PEDS1: variants seen among roughly 807,000 people sequenced by gnomAD.
The protein encoded by PEDS1 is plasmanylethanolamine desaturase 1, also known as CarF homolog.
Under a neutral mutation model 35.2 loss-of-function variants are expected in PEDS1, and 14 were observed. The ratio of observed to expected loss-of-function variants is 0.40; its 90% CI spans 0.26 to 0.62. PEDS1 has a LOEUF of 0.62. Among genes scored for constraint, PEDS1 ranks in the 20% least tolerant of loss-of-function variants. The probability of loss-of-function intolerance (pLI) is 0.44; values close to 1 mark genes in which losing one functional copy is unlikely to be tolerated. For missense variants in PEDS1, 260 were observed against 367.8 expected, an observed-to-expected ratio of 0.71 and a Z score of 2.40; for synonymous variants, 152 against 152.0, an observed-to-expected ratio of 1.00 and a Z score of 0.00.
At chr20:50,153,059 G>C (rs1310673577) in intron 1 of PEDS1, among the ~76,000 whole-genome samples, 1 of 151,968 alleles carries the variant, frequency 6.6e-6, no homozygotes, top group Non-Finnish European at 1.5e-5. Flanking sequence ...GGAGGTACTA[G>C]GATGTAGATT....
intron 1 of PEDS1, among the ~76,000 whole-genome samples, chr20:50,149,694 G>A (rs976284933): frequency 2.6e-5 from 4 of 152,004 alleles, no homozygotes; most frequent in Admixed American, 1.3e-4. Context: ...ACTACTCACA[G>A]CTCCCTACAC....
At chr20:50,135,990 T>C (rs1278491954) in intron 2 of PEDS1, among the ~76,000 whole-genome samples, 1 of 152,228 alleles carries the variant, frequency 6.6e-6, no homozygotes, top group Non-Finnish European at 1.5e-5. Flanking sequence ...TTTGGGCTGT[T>C]TCCAGTCTGG....
chr20:50,134,038 CA>C (rs2081207193), intron 2 of PEDS1, among the ~76,000 whole-genome samples: 1 of 152,208 alleles, frequency 6.6e-6, no homozygotes, highest in Non-Finnish European at 1.5e-5. Flanking sequence ...TGTCTACCAG[CA>C]GGGACAAAAG....
At chr20:50,143,694 T>G in intron 1 of PEDS1, 73 bp from the exon 2 acceptor site, 3 of 1,548,156 alleles carry the variant, frequency 1.9e-6, no homozygotes, top group Non-Finnish European at 2.6e-6. Flanking sequence ...ATGGGAACTT[T>G]TCTTTTCTTT....
At chr20:50,134,258 G>GTGCAGAGC (rs1462339556) in intron 2 of PEDS1, among the ~76,000 whole-genome samples, 12 of 152,264 alleles carry the variant, frequency 7.9e-5, no homozygotes, top group Non-Finnish European at 1.8e-4. Context: ...CTGGAGCACA[G>GTGCAGAGC]TGCAGAGCTG....
At position 50,125,104 on chromosome 20, in the gene PEDS1, T is replaced by C; in HGVS notation, c.767A>G (p.Glu256Gly). The C allele has an allele frequency of 1.9e-6, 3 of 1,614,158 alleles. No homozygotes were observed. The highest frequency in any genetic ancestry group is 2.5e-6 in the Non-Finnish European group (3 of 1,179,982). The stretch of plus-strand genomic sequence containing the variant: ...TTTCATGTCATCTGCCCGAGGCTTC[T>C]CGCCCGTCAGGCCCTGGATGAGGTC... ...LEDLIQGLTG[E>G]KPRADDMKWA... Residue 256 changes from glutamate to glycine, a missense_variant, in exon 6 of 6, where the codon GAG (glutamate) becomes GGG (glycine). Physicochemically the swap from Glu to Gly is moderately conservative, Grantham distance 98. This residue lies in a region of PEDS1 where 83 missense variants were observed against 142.8 expected (regional missense o/e 0.58). Transcript: ENST00000371652.
intron 2 of PEDS1, among the ~76,000 whole-genome samples, chr20:50,134,557 T>C (rs1416750181): frequency 6.6e-6 from 1 of 151,638 alleles, no homozygotes; most frequent in Non-Finnish European, 1.5e-5. Flanking sequence ...CAAAAATAAA[T>C]GAATGAATGA....
intron 1 of PEDS1, among the ~76,000 whole-genome samples, chr20:50,144,720 T>C (rs1384055903): frequency 1.3e-5 from 2 of 152,190 alleles, no homozygotes; most frequent in Non-Finnish European, 2.9e-5. Context: ...GGAAAACACC[T>C]GGGCAGTTGT....
chr20:50,129,488 G>C lies in PEDS1; in HGVS notation c.478+58C>G. On this transcript the variant is annotated intron_variant, in intron 4 of 5. Transcript: ENST00000371652. The surrounding 1 kb of genome is among the most constrained non-coding windows in gnomAD (Gnocchi z 4.2). ...ACACATAAGCCCCAGAAGGCTCCTG[G>C]GGGTCGGCCTCTGCCCCCAAGGCCC... The C allele has an allele frequency of 6.2e-7, 1 of 1,607,860 alleles. No homozygotes were observed. The highest frequency in any genetic ancestry group is 8.5e-7 in the Non-Finnish European group (1 of 1,176,582).
rs187710331 is a variant in PEDS1 at position 50,128,930 on chromosome 20, G to A, written c.478+616C>T. 2.4e-3 allele frequency among the ~76,000 whole-genome samples: 359 copies of A among 152,278 alleles called. No homozygotes were observed. Among genetic ancestry groups the A allele is most frequent in the African/African-American group, 6.3e-3 (262 of 41,544 alleles). On this transcript the variant is annotated intron_variant, in intron 4 of 5. Transcript: ENST00000371652. The surrounding 1 kb of genome is among the most constrained non-coding windows in gnomAD (Gnocchi z 5.2). ...GGGCTGGGTGCACCCCCAGGGAAGG[G>A]GATGGGCAGGGTGCCATAGCACCCA... is the stretch of plus-strand genomic sequence containing the variant.
At position 50,124,865 on chromosome 20, in the gene PEDS1, A is replaced by G; in HGVS notation, c.*193T>C. The G allele has an allele frequency of 1.5e-6, 1 of 650,000 alleles. No individual in the cohort carries two copies. The highest frequency in any genetic ancestry group is 2.4e-6 in the Non-Finnish European group (1 of 417,676). 40.3% of individuals were successfully genotyped at this position (650,000 alleles called of 1,614,324 possible). ...AGGTGGCTGAGGAGGGGCCGAGGAA[A>G]AAAAAAAAAAAGAAATGAAAAATCA... On this transcript the variant is annotated 3_prime_UTR_variant, in exon 6 of 6. Coordinates refer to ENST00000371652, the MANE Select transcript of PEDS1 (RefSeq NM_199129.4).
intron 2 of PEDS1, among the ~76,000 whole-genome samples, chr20:50,143,087 A>C (rs1390172860): frequency 1.3e-5 from 2 of 152,088 alleles, no homozygotes; most frequent in African/African-American, 2.4e-5. Flanking sequence ...CCAGCTAGCC[A>C]TGTGGAGACT....
chr20:50,145,758 T>C (rs974777748), intron 1 of PEDS1, among the ~76,000 whole-genome samples: 10 of 152,184 alleles, frequency 6.6e-5, no homozygotes, highest in African/African-American at 2.4e-4. Context: ...GACTAGGGTA[T>C]GCCCCAGGCA....
In PEDS1 at chr20:50,129,457, A is replaced by G; in HGVS notation, c.478+89T>C. 1 of 1,537,528 alleles carries G rather than the reference A, an allele frequency of 6.5e-7. No individual in the cohort carries two copies. Among genetic ancestry groups the G allele is most frequent in the Admixed American group, 2.1e-5 (1 of 47,532 alleles). Reference sequence around the variant, plus strand: ...AAAACTCTTTTAAAATACCATAAGGAGCCAAACACATAAGCCCCAGAAGGC... The same window carrying G: ...AAAACTCTTTTAAAATACCATAAGGGGCCAAACACATAAGCCCCAGAAGGC... On this transcript the variant is annotated intron_variant, in intron 4 of 5. Transcript: ENST00000371652. The surrounding 1 kb of genome is among the most constrained non-coding windows in gnomAD (Gnocchi z 4.2).
At chr20:50,136,146 C>T (rs1306675926) in intron 2 of PEDS1, among the ~76,000 whole-genome samples, 3 of 152,158 alleles carry the variant, frequency 2.0e-5, no homozygotes, top group African/African-American at 7.2e-5. Context: ...TACCAGGCCC[C>T]GTGCCAACGC....
intron 5 of PEDS1, among the ~76,000 whole-genome samples, chr20:50,126,920 TCTC>T (rs2081112137): frequency 6.6e-6 from 1 of 152,080 alleles, no homozygotes; most frequent in African/African-American, 2.4e-5. Flanking sequence ...CCCACACTTC[TCTC>T]CTCCCTCTTC....
intron 1 of PEDS1, among the ~76,000 whole-genome samples, chr20:50,148,453 C>A (rs947135231): frequency 2.0e-5 from 3 of 152,176 alleles, no homozygotes; most frequent in African/African-American, 7.2e-5. Context: ...TCAGAGCCAG[C>A]CCCTGGCTTG....
At chr20:50,153,409 C>A (rs2081426247) in intron 1 of PEDS1, 108 bp downstream of exon 1, 3 of 1,230,182 alleles carry the variant, frequency 2.4e-6, no homozygotes, top group East Asian at 3.2e-5. Flanking sequence ...GTTAGACACC[C>A]GGGCTGGAGT....
chr20:50,120,458 T>TTATATAGCAATATATATATTGC lies in PEDS1; in HGVS notation c.*4578_*4599dup, dbSNP rs2081041466. The TTATATAGCAATATATATATTGC allele has an allele frequency of 6.7e-6, 1 of 150,140 alleles. No individual in the cohort carries two copies. The highest frequency in any genetic ancestry group is 2.5e-5 in the African/African-American group (1 of 40,208). The allele number at this position is 150,140 out of a possible 1,614,324, so 9.3% of individuals were successfully genotyped here. ...TACCTATGCAAGCATTACCTATTGC[T>TTATATAGCAATATATATATTGC]TATATAGCAATATATATATTGCTAT... On this transcript the variant is annotated 3_prime_UTR_variant, in exon 6 of 6. Coordinates refer to ENST00000371652, the MANE Select transcript of PEDS1 (RefSeq NM_199129.4).
Sources: gnomAD v4.1 joint callset for allele counts (sites outside exome capture counted in the v4.1 genomes callset) on GRCh38, gnomAD v4.1.1 for gene constraint, gnomAD v4.1.1 regional missense constraint, Gnocchi (gnomAD v3.1) non-coding constraint, MANE v1.5 for transcripts, NCBI Gene and HGNC (gene_info 2026-07-23, HGNC 2026-07-21) for gene names.